Variants in LY96 observed in about 807,000 individuals in gnomAD.
LY96 encodes the protein myeloid differentiation protein-2.
Under a neutral mutation model 18.9 loss-of-function variants are expected in LY96, and 18 were observed. The observed-to-expected ratio is 0.95, with a 90% CI of 0.66 to 1.41. The LOEUF is 1.41. Ranked by LOEUF, LY96 falls within the 40% of genes most tolerant of loss-of-function variation. The pLI is 0.00. For missense variants in LY96, 175 were observed against 182.4 expected, an observed-to-expected ratio of 0.96 and a Z score of 0.23; for synonymous variants, 66 against 62.6, an observed-to-expected ratio of 1.06 and a Z score of -0.26.
chr8:74,011,656 C>T lies in LY96; in HGVS notation c.331+1527C>T, dbSNP rs1297967123. ...CAGGTGGATCATGAGGTCAGGAGTT[C>T]GAGACCAGCCTGGCCAACATAGTGA... On this transcript the variant is annotated intron_variant, in intron 3 of 4. Transcript: ENST00000284818. Among the ~76,000 whole-genome samples the T allele has an allele frequency of 2.6e-5, 4 of 152,158 alleles. No homozygotes were observed. In the East Asian group the frequency reaches 7.7e-4, roughly 29 times the overall value.
chr8:74,062,242 TTTTTA>T, the LY96 span, among the ~76,000 whole-genome samples: 14 of 152,278 alleles, frequency 9.2e-5, no homozygotes, highest in Middle Eastern at 3.4e-3. Flanking sequence ...TTCCTGCTAA[TTTTTA>T]TTTTTAGTTC....
chr8:74,048,179 C>T, the LY96 span, among the ~76,000 whole-genome samples: 1 of 152,194 alleles, frequency 6.6e-6, no homozygotes, highest in Non-Finnish European at 1.5e-5. Flanking sequence ...CCTTCAAGTC[C>T]TCAAAGCCTG....
At chr8:74,069,502 C>T in the LY96 span, among the ~76,000 whole-genome samples, 2 of 152,222 alleles carry the variant, frequency 1.3e-5, no homozygotes, top group Non-Finnish European at 2.9e-5. Context: ...GTTTCCATAG[C>T]ATCATTTGCA....
At chr8:74,070,579 GTAA>G in the LY96 span, among the ~76,000 whole-genome samples, 9 of 152,038 alleles carry the variant, frequency 5.9e-5, no homozygotes, top group African/African-American at 2.2e-4. Flanking sequence ...AATTATGTCA[GTAA>G]GTTCCCCTTC....
At chr8:74,074,202 G>T in the LY96 span, among the ~76,000 whole-genome samples, 27 of 152,204 alleles carry the variant, frequency 1.8e-4, no homozygotes, top group Non-Finnish European at 3.2e-4. Flanking sequence ...ATTTCATCAT[G>T]TTGGCCAGGC....
At chr8:74,082,744 T>A in the LY96 span, among the ~76,000 whole-genome samples, 3 of 151,598 alleles carry the variant, frequency 2.0e-5, no homozygotes, top group Non-Finnish European at 4.4e-5. Flanking sequence ...TATGCTTAGG[T>A]TTGATGGAGC....
At chr8:74,074,691 T>C in the LY96 span, among the ~76,000 whole-genome samples, 1 of 152,322 alleles carries the variant, frequency 6.6e-6, no homozygotes, top group South Asian at 2.1e-4. Context: ...TGTGTTTCTA[T>C]TATCATTTGT....
chr8:74,075,293 C>CA, the LY96 span, among the ~76,000 whole-genome samples: 1 of 152,310 alleles, frequency 6.6e-6, no homozygotes, highest in Middle Eastern at 3.4e-3. Flanking sequence ...TTTTCTGAGA[C>CA]AGAGTCTTGC....
the LY96 span, among the ~76,000 whole-genome samples, chr8:74,059,945 C>T: frequency 9.7e-3 from 1,483 of 152,286 alleles, 76 homozygotes; most frequent in Admixed American, 0.076. Context: ...TTGAGACCAG[C>T]CTGGGCAACG....
intron 2 of LY96, among the ~76,000 whole-genome samples, chr8:74,005,308 A>G (rs1214126860): frequency 6.6e-6 from 1 of 152,224 alleles, no homozygotes; most frequent in African/African-American, 2.4e-5. Context: ...CGAGGGGGAC[A>G]GTCAGCTAAC....
chr8:74,001,031 ACT>A (rs1816252172), intron 1 of LY96, among the ~76,000 whole-genome samples: 1 of 151,860 alleles, frequency 6.6e-6, no homozygotes, highest in African/African-American at 2.4e-5. Flanking sequence ...ACCCCTCAAC[ACT>A]CTTGCACTGG....
the LY96 span, among the ~76,000 whole-genome samples, chr8:74,038,043 A>G: frequency 1.3e-5 from 2 of 152,198 alleles, no homozygotes; most frequent in African/African-American, 4.8e-5. Context: ...GTAGGTATAT[A>G]TATTTATGGT....
chr8:74,082,210 G>C, the LY96 span, among the ~76,000 whole-genome samples: 1 of 152,202 alleles, frequency 6.6e-6, no homozygotes, highest in African/African-American at 2.4e-5. Context: ...AGCTCATAAA[G>C]AACTGGGAAA....
chr8:74,054,617 C>CTTCCTTCTTTCTTTCTTTCTTTCTTTCT, the LY96 span, among the ~76,000 whole-genome samples: 2 of 70,172 alleles, frequency 2.9e-5, no homozygotes, highest in Admixed American at 1.9e-4. Context: ...TTTCCTTTTC[C>CTTCCTTCTTTCTTTCTTTCTTTCTTTCT]TTCTTTCTTT....
At chr8:74,091,879 A>G in the LY96 span, among the ~76,000 whole-genome samples, 1 of 152,090 alleles carries the variant, frequency 6.6e-6, no homozygotes, top group African/African-American at 2.4e-5. Context: ...AAGTCCTTCC[A>G]TCCACTTACT....
At chr8:73,997,519 T>C (rs942164341) in intron 1 of LY96, among the ~76,000 whole-genome samples, 1 of 152,190 alleles carries the variant, frequency 6.6e-6, no homozygotes, top group African/African-American at 2.4e-5. Context: ...TAGCTTTCAC[T>C]ACAATTAGAG....
chr8:74,047,140 A>G, the LY96 span, among the ~76,000 whole-genome samples: 1 of 152,082 alleles, frequency 6.6e-6, no homozygotes, highest in Non-Finnish European at 1.5e-5. Flanking sequence ...TGCCCACCTC[A>G]GCCTCCCAAA....
the LY96 span, among the ~76,000 whole-genome samples, chr8:74,092,291 G>A: frequency 6.1e-4 from 93 of 152,184 alleles, no homozygotes; most frequent in African/African-American, 1.9e-3. Flanking sequence ...TCCCAGCAGA[G>A]TTCCAGTATC....
chr8:74,067,248 T>C, the LY96 span, among the ~76,000 whole-genome samples: 1 of 152,226 alleles, frequency 6.6e-6, no homozygotes, highest in Admixed American at 6.5e-5. Context: ...TATTTATTTT[T>C]TGAGACAGAG....
Sources: gnomAD v4.1 joint callset for allele counts (sites outside exome capture counted in the v4.1 genomes callset) on GRCh38, gnomAD v4.1.1 for gene constraint, MANE v1.5 for transcripts, NCBI Gene and HGNC (gene_info 2026-07-23, HGNC 2026-07-21) for gene names.